Variants in NEGR1 observed in about 807,000 individuals in gnomAD.
The protein encoded by NEGR1 is neuronal growth regulator 1.
A neutral mutation model predicts 40.9 loss-of-function variants in NEGR1; 10 were observed. The observed-to-expected ratio is 0.24, with a 90% CI of 0.15 to 0.42. NEGR1 has a LOEUF of 0.42. Ranked by LOEUF, NEGR1 falls within the 10% of genes least tolerant of loss-of-function variation. The pLI is 1.00. For synonymous variants in NEGR1, 185 were observed against 166.8 expected, an observed-to-expected ratio of 1.11 and a Z score of -0.84; for missense variants, 352 against 438.9, an observed-to-expected ratio of 0.80 and a Z score of 1.77.
rs922867658 is a variant in NEGR1, at chr1:71,399,564, A to C, written c.*7882T>G. ...GTCATTTCTTCTTCTACTTTAAAAA[A>C]ATTATTCAGAACACCACATGGCCAG... On this transcript the variant is annotated 3_prime_UTR_variant, in exon 7 of 7. Transcript: ENST00000357731. The C allele has an allele frequency of 1.3e-5, 2 of 152,228 alleles. No individual in the cohort carries two copies. The highest frequency in any genetic ancestry group is 4.8e-5 in the African/African-American group (2 of 41,472). The allele number at this position is 152,228 out of a possible 1,614,324, so 9.4% of individuals were successfully genotyped here.
At chr1:71,459,775 A>C (rs1646700879) in intron 6 of NEGR1, among the ~76,000 whole-genome samples, 1 of 152,206 alleles carries the variant, frequency 6.6e-6, no homozygotes, top group Non-Finnish European at 1.5e-5. Context: ...ATACTTATGC[A>C]TGAGGCCATG....
intron 1 of NEGR1, among the ~76,000 whole-genome samples, chr1:71,990,384 G>T (rs760774996): frequency 1.3e-4 from 20 of 151,972 alleles, no homozygotes; most frequent in African/African-American, 4.6e-4. Context: ...TTTATTCAAA[G>T]ACTTTTGTAA....
intron 1 of NEGR1, among the ~76,000 whole-genome samples, chr1:71,974,839 C>T (rs1466747240): frequency 6.6e-6 from 1 of 152,118 alleles, no homozygotes; most frequent in Non-Finnish European, 1.5e-5. Flanking sequence ...CATGATGCTA[C>T]ATTATCTTTA....
intron 6 of NEGR1, among the ~76,000 whole-genome samples, chr1:71,413,205 C>G (rs1646334584): frequency 6.6e-6 from 1 of 152,142 alleles, no homozygotes; most frequent in Non-Finnish European, 1.5e-5. Flanking sequence ...CTATAAACCA[C>G]CCAGTACAGC....
At chr1:72,029,740 A>G (rs899459169) in intron 1 of NEGR1, among the ~76,000 whole-genome samples, 1 of 152,214 alleles carries the variant, frequency 6.6e-6, no homozygotes, top group Non-Finnish European at 1.5e-5. Flanking sequence ...TTCTAAGGGT[A>G]AATTATATTT....
At chr1:72,029,052 C>A in intron 1 of NEGR1, among the ~76,000 whole-genome samples, 1 of 152,124 alleles carries the variant, frequency 6.6e-6, no homozygotes, top group East Asian at 1.9e-4. Flanking sequence ...ACTGGTTAAA[C>A]AAGATACCAG....
At chr1:71,746,561 C>CT (rs879661988) in intron 3 of NEGR1, among the ~76,000 whole-genome samples, 77 of 147,176 alleles carry the variant, frequency 5.2e-4, no homozygotes, top group Middle Eastern at 6.9e-3. Context: ...GAGAAATCTT[C>CT]TTTTTTTTTT....
chr1:71,483,291 G>A (rs1160331135), intron 6 of NEGR1, among the ~76,000 whole-genome samples: 1 of 151,716 alleles, frequency 6.6e-6, no homozygotes, highest in Non-Finnish European at 1.5e-5. Flanking sequence ...GTAGGGTTTT[G>A]TAGACTGTTT....
chr1:71,950,615 C>T (rs1473797781), intron 1 of NEGR1, among the ~76,000 whole-genome samples: 2 of 151,932 alleles, frequency 1.3e-5, no homozygotes, highest in Non-Finnish European at 2.9e-5. Flanking sequence ...CCTACTATAT[C>T]CACTTTTCTT....
At chr1:72,178,896 G>T in intron 1 of NEGR1, among the ~76,000 whole-genome samples, 1 of 151,144 alleles carries the variant, frequency 6.6e-6, no homozygotes, top group Non-Finnish European at 1.5e-5. Context: ...TTTTTAATGG[G>T]GTTGGTTCTG....
intron 6 of NEGR1, among the ~76,000 whole-genome samples, chr1:71,506,463 T>C (rs1269669657): frequency 1.3e-5 from 2 of 151,848 alleles, no homozygotes; most frequent in Non-Finnish European, 2.9e-5. Flanking sequence ...TAGAGGAGAG[T>C]TGGAAGCGAA....
chr1:71,779,625 T>A (rs1470454590), intron 2 of NEGR1, among the ~76,000 whole-genome samples: 1 of 152,008 alleles, frequency 6.6e-6, no homozygotes, highest in Non-Finnish European at 1.5e-5. Context: ...TGGAGTGCAA[T>A]GGCTCAATCT....
chr1:71,673,908 G>C (rs1161575531), intron 4 of NEGR1, among the ~76,000 whole-genome samples: 1 of 152,082 alleles, frequency 6.6e-6, no homozygotes, highest in Non-Finnish European at 1.5e-5. Flanking sequence ...ACGAATTACA[G>C]AGAAATTTAG....
intron 1 of NEGR1, among the ~76,000 whole-genome samples, chr1:72,171,488 A>G (rs1473141139): frequency 3.9e-5 from 6 of 152,204 alleles, no homozygotes; most frequent in Admixed American, 1.3e-4. Context: ...ACATGTTTAC[A>G]TACAAGAACC....
At chr1:71,769,262 A>G (rs924473540) in intron 3 of NEGR1, among the ~76,000 whole-genome samples, 1 of 152,066 alleles carries the variant, frequency 6.6e-6, no homozygotes, top group African/African-American at 2.4e-5. Context: ...CAGAAGCCTC[A>G]TGTATACTTG....
At chr1:71,575,644 A>G (rs556776753) in intron 6 of NEGR1, among the ~76,000 whole-genome samples, 9 of 152,174 alleles carry the variant, frequency 5.9e-5, no homozygotes, top group African/African-American at 1.9e-4. Context: ...TTAGCTGGGC[A>G]TGGTGGCGGG....
intron 6 of NEGR1, among the ~76,000 whole-genome samples, chr1:71,504,106 A>G (rs1014546264): frequency 5.3e-5 from 8 of 151,024 alleles, no homozygotes; most frequent in Admixed American, 4.6e-4. Context: ...GAAATTAGAT[A>G]AAAAAATAAA....
At chr1:72,165,827 G>A (rs1651745122) in intron 1 of NEGR1, among the ~76,000 whole-genome samples, 1 of 151,916 alleles carries the variant, frequency 6.6e-6, no homozygotes, top group Admixed American at 6.6e-5. Context: ...TAGGAGATAG[G>A]TAGCAAAAAG....
chr1:71,738,794 C>T (rs773399864), intron 3 of NEGR1, among the ~76,000 whole-genome samples: 2 of 152,068 alleles, frequency 1.3e-5, no homozygotes, highest in Non-Finnish European at 2.9e-5. Context: ...TTTCTGGGAC[C>T]TCTTTCTTCT....
Sources: allele counts gnomAD v4.1 joint callset (sites outside exome capture counted in the v4.1 genomes callset), GRCh38; gene constraint gnomAD v4.1.1; transcripts MANE v1.5; gene names NCBI Gene and HGNC (gene_info 2026-07-23, HGNC 2026-07-21).